ROBO1: variants seen among roughly 807,000 people sequenced by gnomAD.
ROBO1 encodes roundabout homolog 1.
Under a neutral mutation model 195.9 loss-of-function variants are expected in ROBO1, and 149 were observed. The observed-to-expected ratio is 0.76, with a 90% confidence interval of 0.67 to 0.87. The LOEUF (loss-of-function observed/expected upper bound fraction) is 0.87. ROBO1 is among the 40% of genes least tolerant of loss of function. ROBO1 has a pLI of 0.00. For missense variants in ROBO1, 1,933 were observed against 2,068.3 expected (o/e 0.93, Z 1.27); for synonymous variants, 816 against 733.2 (o/e 1.11, Z -1.82).
intron 2 of ROBO1, among the ~76,000 whole-genome samples, chr3:79,369,350 A>G (rs937197089): frequency 1.3e-5 from 2 of 152,214 alleles, no homozygotes; most frequent in African/African-American, 4.8e-5. Context: ...CCATGTGTAA[A>G]ATCCCTTTGG....
intron 2 of ROBO1, among the ~76,000 whole-genome samples, chr3:79,557,558 AC>A (rs1576020202): frequency 6.6e-6 from 1 of 151,422 alleles, no homozygotes; most frequent in East Asian, 1.9e-4. Context: ...ACAAGGCGAA[AC>A]CCTGTCTGCA....
intron 1 of ROBO1, among the ~76,000 whole-genome samples, chr3:79,617,700 G>T (rs902054191): frequency 2.6e-5 from 4 of 151,392 alleles, no homozygotes; most frequent in African/African-American, 4.9e-5. Context: ...CTCTAGCAAT[G>T]GAACCTAACC....
intron 10 of ROBO1, among the ~76,000 whole-genome samples, chr3:78,679,492 A>C (rs1004460568): frequency 6.6e-6 from 1 of 152,192 alleles, no homozygotes; most frequent in Non-Finnish European, 1.5e-5. Flanking sequence ...CAGGATACAA[A>C]ATCAATGTAC....
chr3:78,968,509 C>G (rs1368456878), intron 3 of ROBO1, among the ~76,000 whole-genome samples: 1 of 151,698 alleles, frequency 6.6e-6, no homozygotes, highest in African/African-American at 2.4e-5. Flanking sequence ...AACTCCTGAC[C>G]TCAAGTGAGC....
chr3:78,994,203 C>T (rs758753978), intron 3 of ROBO1, among the ~76,000 whole-genome samples: 2 of 152,094 alleles, frequency 1.3e-5, no homozygotes, highest in South Asian at 2.1e-4. Flanking sequence ...TCACAAGTAA[C>T]CTTATGCCCT....
intron 2 of ROBO1, among the ~76,000 whole-genome samples, chr3:79,365,633 T>C (rs1051222159): frequency 5.3e-5 from 8 of 152,152 alleles, no homozygotes; most frequent in Admixed American, 2.0e-4. Context: ...CACGGTGGCT[T>C]AAGCCTGTAA....
chr3:78,988,692 T>C (rs1285180573), intron 3 of ROBO1, among the ~76,000 whole-genome samples: 1 of 152,212 alleles, frequency 6.6e-6, no homozygotes. Flanking sequence ...TGTTTTGTAA[T>C]TGTTACAAGG....
intron 21 of ROBO1, among the ~76,000 whole-genome samples, chr3:78,644,676 G>A (rs1056437514): frequency 2.6e-5 from 4 of 151,968 alleles, no homozygotes; most frequent in South Asian, 2.1e-4. Flanking sequence ...CCATCCTGCC[G>A]TGGCAACTAG....
intron 4 of ROBO1, among the ~76,000 whole-genome samples, chr3:78,859,341 T>G (rs138575048): frequency 2.3e-4 from 35 of 152,298 alleles, no homozygotes; most frequent in African/African-American, 7.2e-4. Context: ...TAAAAGAAAT[T>G]ATGGAATATT....
At chr3:79,086,146 T>C (rs1031921161) in intron 3 of ROBO1, among the ~76,000 whole-genome samples, 25 of 151,830 alleles carry the variant, frequency 1.6e-4, no homozygotes, top group African/African-American at 5.8e-4. Flanking sequence ...TGGAATTTTA[T>C]CTAGGTACAG....
At chr3:79,632,106 C>G (rs1455182509) in intron 1 of ROBO1, among the ~76,000 whole-genome samples, 1 of 152,002 alleles carries the variant, frequency 6.6e-6, no homozygotes, top group African/African-American at 2.4e-5. Flanking sequence ...AACTACCATT[C>G]GACCCAGAAG....
At chr3:78,824,104 T>G (rs978080560) in intron 4 of ROBO1, among the ~76,000 whole-genome samples, 3 of 152,184 alleles carry the variant, frequency 2.0e-5, no homozygotes, top group Non-Finnish European at 4.4e-5. Flanking sequence ...ATTTCCTTAT[T>G]CCTATAGCAG....
chr3:79,764,604 G>T (rs1704887079), intron 1 of ROBO1, among the ~76,000 whole-genome samples: 1 of 152,108 alleles, frequency 6.6e-6, no homozygotes. Flanking sequence ...GAGTTTCTCA[G>T]CTTTGTAATG....
chr3:79,499,944 T>C (rs779121004), intron 2 of ROBO1, among the ~76,000 whole-genome samples: 4 of 151,934 alleles, frequency 2.6e-5, no homozygotes, highest in African/African-American at 7.3e-5. Flanking sequence ...GTAGCTGGGA[T>C]TGCAGGCGTG....
At chr3:79,314,170 T>C (rs2033622563) in intron 2 of ROBO1, among the ~76,000 whole-genome samples, 1 of 152,214 alleles carries the variant, frequency 6.6e-6, no homozygotes, top group South Asian at 2.1e-4. Flanking sequence ...GATTTTGTTC[T>C]TCTCCCACCT....
chr3:78,620,509 C>T (rs905052406), intron 26 of ROBO1, among the ~76,000 whole-genome samples: 6 of 151,216 alleles, frequency 4.0e-5, no homozygotes, highest in Admixed American at 1.3e-4. Flanking sequence ...GAGACTCCGT[C>T]TCAAAAAAAA....
chr3:79,686,915 T>C (rs998973971), intron 1 of ROBO1, among the ~76,000 whole-genome samples: 1 of 152,110 alleles, frequency 6.6e-6, no homozygotes, highest in Admixed American at 6.6e-5. Flanking sequence ...GCCAAGTCAA[T>C]CCTGAACCAA....
At chr3:79,763,645 A>G (rs1395687242) in intron 1 of ROBO1, among the ~76,000 whole-genome samples, 2 of 152,186 alleles carry the variant, frequency 1.3e-5, no homozygotes, top group African/African-American at 4.8e-5. Context: ...ACATATGCAC[A>G]AATTTCAAAG....
intron 22 of ROBO1, among the ~76,000 whole-genome samples, chr3:78,638,293 G>GTA (rs1705681574): frequency 7.1e-6 from 1 of 141,384 alleles, no homozygotes; most frequent in Non-Finnish European, 1.6e-5. Flanking sequence ...ACATATAGGT[G>GTA]TATATACATA....
Sources: allele counts gnomAD v4.1 joint callset (sites outside exome capture counted in the v4.1 genomes callset), GRCh38; gene constraint gnomAD v4.1.1; transcripts MANE v1.5; gene names NCBI Gene and HGNC (gene_info 2026-07-23, HGNC 2026-07-21).